Variants in GRM5 observed in about 807,000 individuals in gnomAD.
GRM5 encodes glutamate metabotropic receptor 5.
Under a neutral mutation model 83.1 loss-of-function variants are expected in GRM5, and 19 were observed. The observed-to-expected ratio is 0.23, with a 90% CI of 0.16 to 0.34. The LOEUF is 0.34. Ranked by LOEUF, GRM5 falls within the 10% of genes least tolerant of loss-of-function variation. The probability of loss-of-function intolerance (pLI) is 1.00; values close to 1 mark genes in which losing one functional copy is unlikely to be tolerated. For synonymous variants in GRM5, 675 were observed against 633.6 expected, an observed-to-expected ratio of 1.07 and a Z score of -0.98; for missense variants, 1,160 against 1,588.3, an observed-to-expected ratio of 0.73 and a Z score of 4.58.
chr11:88,951,729 G>T (rs1398837400), intron 2 of GRM5, among the ~76,000 whole-genome samples: 4 of 152,212 alleles, frequency 2.6e-5, no homozygotes, highest in Non-Finnish European at 5.9e-5. Flanking sequence ...CAAGGATGTT[G>T]TGAGGCTAAA....
At chr11:88,688,327 A>C (rs2135355860) in intron 3 of GRM5, among the ~76,000 whole-genome samples, 1 of 152,332 alleles carries the variant, frequency 6.6e-6, no homozygotes, top group Middle Eastern at 3.4e-3. Flanking sequence ...CTTAATATTA[A>C]ATCATTTTAT....
chr11:88,655,916 C>G (rs1223431966), intron 3 of GRM5, among the ~76,000 whole-genome samples: 1 of 151,860 alleles, frequency 6.6e-6, no homozygotes, highest in Non-Finnish European at 1.5e-5. Flanking sequence ...CTATGTTAAT[C>G]CCAAAAAAGA....
At chr11:88,958,299 A>AG in intron 2 of GRM5, among the ~76,000 whole-genome samples, 1 of 150,554 alleles carries the variant, frequency 6.6e-6, no homozygotes, top group African/African-American at 2.4e-5. Context: ...ATAATATAGT[A>AG]TCCTGTTCAC....
At chr11:88,693,388 G>C (rs1028458551) in intron 3 of GRM5, among the ~76,000 whole-genome samples, 6 of 152,178 alleles carry the variant, frequency 3.9e-5, no homozygotes, top group Admixed American at 2.0e-4. Flanking sequence ...CTGGGGGCCT[G>C]GGAAAAGCCT....
intron 2 of GRM5, among the ~76,000 whole-genome samples, chr11:88,891,556 G>T (rs1945144393): frequency 7.3e-6 from 1 of 136,290 alleles, no homozygotes; most frequent in Non-Finnish European, 1.6e-5. Context: ...ATATTTTTGT[G>T]AATAATACCA....
chr11:88,953,956 A>G (rs557458575), intron 2 of GRM5, among the ~76,000 whole-genome samples: 67 of 152,296 alleles, frequency 4.4e-4, no homozygotes, highest in Non-Finnish European at 5.0e-4. Context: ...TGTAAACACC[A>G]CTGAAAGAAC....
intron 3 of GRM5, among the ~76,000 whole-genome samples, chr11:88,827,926 G>T (rs959286021): frequency 6.6e-6 from 1 of 152,146 alleles, no homozygotes; most frequent in Non-Finnish European, 1.5e-5. Flanking sequence ...TGGGTGGGGG[G>T]TAAAGACTAT....
chr11:88,653,902 T>C (rs1480222961), intron 3 of GRM5, among the ~76,000 whole-genome samples: 2 of 152,080 alleles, frequency 1.3e-5, no homozygotes, highest in African/African-American at 4.8e-5. Context: ...ATTTTACAAA[T>C]GAATAATAGG....
At chr11:89,059,305 A>T (rs7108305) in intron 1 of GRM5, among the ~76,000 whole-genome samples, 19,617 of 152,136 alleles carry the variant, frequency 0.13, 3,209 homozygotes, top group African/African-American at 0.38. Context: ...AAAAAAGGAG[A>T]TATTTGAGAT....
At chr11:89,056,156 T>C (rs1370784649) in intron 1 of GRM5, among the ~76,000 whole-genome samples, 10 of 152,212 alleles carry the variant, frequency 6.6e-5, no homozygotes, top group Non-Finnish European at 2.9e-5. Context: ...AGTATCTTTG[T>C]AGCACAATTA....
intron 2 of GRM5, among the ~76,000 whole-genome samples, chr11:88,929,615 T>G (rs2135644320): frequency 6.6e-6 from 1 of 152,272 alleles, no homozygotes; most frequent in East Asian, 1.9e-4. Flanking sequence ...TTTGTGTTAT[T>G]ATTCAAAGGT....
chr11:88,988,750 C>A (rs958677679), intron 2 of GRM5, among the ~76,000 whole-genome samples: 1 of 148,784 alleles, frequency 6.7e-6, no homozygotes, highest in Non-Finnish European at 1.5e-5. Flanking sequence ...ATTTCATATC[C>A]AGCCAAACTA....
intron 2 of GRM5, among the ~76,000 whole-genome samples, chr11:88,917,948 T>C (rs370884565): frequency 1.3e-5 from 2 of 152,082 alleles, no homozygotes; most frequent in South Asian, 4.1e-4. Flanking sequence ...TCCAAACCTA[T>C]AGAAATATAT....
intron 3 of GRM5, among the ~76,000 whole-genome samples, chr11:88,735,598 C>T (rs897492140): frequency 2.0e-5 from 3 of 152,154 alleles, no homozygotes; most frequent in East Asian, 3.9e-4. Context: ...GCTGCCTTCA[C>T]GCCTGATATC....
At position 88,508,911 on chromosome 11, in the gene GRM5, G is replaced by C; in HGVS notation, c.3320C>G (p.Thr1107Arg). Residue 1107 changes from threonine (T) to arginine (R), a missense_variant, in exon 10 of 10, where the codon ACG becomes AGG. By Grantham distance (71) the Thr-to-Arg change is moderately conservative. This residue lies in a region of GRM5 where 562 missense variants were observed against 532.4 expected (regional missense o/e 1.06). Coordinates refer to ENST00000305447, the MANE Select transcript of GRM5 (RefSeq NM_001143831.3). This position sits in a 1 kb window ranked among gnomAD's most constrained non-coding sequence, Gnocchi z 4.2. ...GATTTCGGCAAAGGTCGTCATGGTC[G>C]TGGGCAACTGGATCTCTTTGGGGAT... ...YLIPKEIQLP[T>R]TMTTFAEIQP... is the part of the protein sequence containing the mutation. The C allele has an allele frequency of 6.2e-7, 1 of 1,600,996 alleles. No homozygotes were observed. The highest frequency in any genetic ancestry group is 8.5e-7 in the Non-Finnish European group (1 of 1,174,464).
In GRM5 at chr11:88,560,535, T is replaced by G. The variant is rs1942730361; in HGVS notation, c.2630+6518A>C. 1.3e-5 allele frequency among the ~76,000 whole-genome samples: 2 copies of G among 152,160 alleles called. 1 individual carries two copies. Among genetic ancestry groups the G allele is most frequent in the South Asian group, 4.1e-4 (2 of 4,834 alleles). The stretch of plus-strand genomic sequence containing the variant: ...TGATTTTAAAAAGAAAAGTTGATTT[T>G]AGAAAGAAAGCATTTTTTTTCTTAT... On this transcript the variant is annotated intron_variant, in intron 8 of 9. Coordinates refer to ENST00000305447, the MANE Select transcript of GRM5 (RefSeq NM_001143831.3).
intron 8 of GRM5, among the ~76,000 whole-genome samples, chr11:88,533,854 C>T (rs1185235099): frequency 6.6e-6 from 1 of 152,108 alleles, no homozygotes; most frequent in Non-Finnish European, 1.5e-5. Flanking sequence ...GTTTCGTGGG[C>T]CAGGCCTCGG....
At chr11:89,002,512 G>T in intron 2 of GRM5, among the ~76,000 whole-genome samples, 2 of 152,172 alleles carry the variant, frequency 1.3e-5, no homozygotes, top group Admixed American at 1.3e-4. Context: ...AATCCTGATA[G>T]GTTATCCCCT....
At chr11:88,666,812 G>A (rs918174137) in intron 3 of GRM5, among the ~76,000 whole-genome samples, 2 of 152,078 alleles carry the variant, frequency 1.3e-5, no homozygotes, top group African/African-American at 4.8e-5. Context: ...AATTCTCTCT[G>A]GATGAACATA....
Sources: gnomAD v4.1 joint callset for allele counts (sites outside exome capture counted in the v4.1 genomes callset) on GRCh38, gnomAD v4.1.1 for gene constraint, gnomAD v4.1.1 regional missense constraint, Gnocchi (gnomAD v3.1) non-coding constraint, MANE v1.5 for transcripts, NCBI Gene and HGNC (gene_info 2026-07-23, HGNC 2026-07-21) for gene names.